The following FSTL5 variants were observed in gnomAD, a reference collection of about 807,000 sequenced individuals.
The protein encoded by FSTL5 is follistatin-related protein 5.
Under a neutral mutation model 89.1 loss-of-function variants are expected in FSTL5, and 62 were observed. The observed-to-expected ratio is 0.70, with a 90% CI of 0.57 to 0.86. The LOEUF (loss-of-function observed/expected upper bound fraction) is 0.86, where lower values mean the gene tolerates loss of function less well. Ranked by LOEUF, FSTL5 falls within the 40% of genes least tolerant of loss-of-function variation. The pLI, the probability that FSTL5 is intolerant of heterozygous loss-of-function variation, is 0.00. For missense variants in FSTL5, 1,057 were observed against 1,001.6 expected (o/e 1.06, Z -0.75); for synonymous variants, 383 against 346.2 (o/e 1.11, Z -1.18).
intron 3 of FSTL5, among the ~76,000 whole-genome samples, chr4:161,961,196 C>G (rs1735165463): frequency 6.6e-6 from 1 of 152,022 alleles, no homozygotes. Context: ...TACCCTTGAA[C>G]TATGGGGCTC....
At chr4:161,666,526 A>G (rs748820420) in intron 6 of FSTL5, among the ~76,000 whole-genome samples, 1 of 152,162 alleles carries the variant, frequency 6.6e-6, no homozygotes, top group Non-Finnish European at 1.5e-5. Context: ...CCAAGGACCA[A>G]GTTAGCCATA....
At chr4:161,535,982 A>C (rs1233138564) in intron 10 of FSTL5, among the ~76,000 whole-genome samples, 1 of 152,176 alleles carries the variant, frequency 6.6e-6, no homozygotes, top group African/African-American at 2.4e-5. Context: ...GAATTAATGC[A>C]AGAACAGAAA....
intron 4 of FSTL5, among the ~76,000 whole-genome samples, chr4:161,818,885 G>T (rs1730410641): frequency 6.6e-6 from 1 of 151,674 alleles, no homozygotes; most frequent in Admixed American, 6.6e-5. Flanking sequence ...AATGTATTTG[G>T]TTTACTAGAT....
At chr4:161,875,323 A>G (rs562687572) in intron 4 of FSTL5, among the ~76,000 whole-genome samples, 1 of 152,270 alleles carries the variant, frequency 6.6e-6, no homozygotes, top group African/African-American at 2.4e-5. Flanking sequence ...AATCAGGCTG[A>G]TTGCGGGTAG....
intron 3 of FSTL5, among the ~76,000 whole-genome samples, chr4:161,928,784 T>G (rs1734198791): frequency 6.6e-6 from 1 of 151,930 alleles, no homozygotes; most frequent in South Asian, 2.1e-4. Flanking sequence ...ATTTGTATAT[T>G]TTGTGTACCA....
At chr4:161,560,874 T>C (rs947596433) in intron 8 of FSTL5, among the ~76,000 whole-genome samples, 1 of 151,928 alleles carries the variant, frequency 6.6e-6, no homozygotes, top group Non-Finnish European at 1.5e-5. Flanking sequence ...ATAGAGGAAG[T>C]ACACTCTAAA....
chr4:162,002,123 T>C (rs1578936306), intron 3 of FSTL5, among the ~76,000 whole-genome samples: 1 of 152,194 alleles, frequency 6.6e-6, no homozygotes, highest in East Asian at 1.9e-4. Flanking sequence ...ATATGGACTC[T>C]ACTATAAACT....
At chr4:161,714,498 C>T (rs1447586538) in intron 6 of FSTL5, among the ~76,000 whole-genome samples, 1 of 152,136 alleles carries the variant, frequency 6.6e-6, no homozygotes, top group Non-Finnish European at 1.5e-5. Context: ...TTCAAATCTC[C>T]TAATCCTTTA....
intron 4 of FSTL5, among the ~76,000 whole-genome samples, chr4:161,791,748 A>G (rs1729484129): frequency 6.6e-6 from 1 of 152,228 alleles, no homozygotes; most frequent in South Asian, 2.1e-4. Context: ...ACAGTTTCTG[A>G]GAATGAGTGA....
intron 6 of FSTL5, among the ~76,000 whole-genome samples, chr4:161,665,512 C>T (rs1423232319): frequency 1.3e-5 from 2 of 152,114 alleles, no homozygotes; most frequent in African/African-American, 4.8e-5. Flanking sequence ...GGATTACAGG[C>T]GTGAGCCACC....
In FSTL5 at chr4:161,507,717, G is replaced by A. The variant is rs189843396; in HGVS notation, c.1339+2681C>T. On this transcript the variant is annotated intron_variant, in intron 11 of 15. Coordinates refer to ENST00000306100, the MANE Select transcript of FSTL5 (RefSeq NM_020116.5). ...TCCAAGTTTATATATTGATGAGATTGGTAAGATAATACATATTAAATTCAG... is the reference window on the plus strand; with the variant it reads ...TCCAAGTTTATATATTGATGAGATTAGTAAGATAATACATATTAAATTCAG... Among the ~76,000 whole-genome samples, 20 of 151,568 alleles carry A rather than the reference G, an allele frequency of 1.3e-4. No homozygotes were observed. The East Asian group carries it at 3.7e-3, about 28-fold the overall frequency.
At chr4:161,840,097 C>A (rs996960228) in intron 4 of FSTL5, among the ~76,000 whole-genome samples, 16 of 152,080 alleles carry the variant, frequency 1.1e-4, no homozygotes, top group African/African-American at 3.6e-4. Flanking sequence ...AATGATTGTT[C>A]ACCAGTGTTA....
chr4:161,636,529 G>A (rs1313876572), intron 7 of FSTL5, among the ~76,000 whole-genome samples: 4 of 133,720 alleles, frequency 3.0e-5, no homozygotes, highest in African/African-American at 8.4e-5. Context: ...AGTTACATAT[G>A]TATACATGTG....
chr4:162,109,608 A>G (rs535920254), intron 2 of FSTL5, among the ~76,000 whole-genome samples: 1 of 152,194 alleles, frequency 6.6e-6, no homozygotes, highest in African/African-American at 2.4e-5. Context: ...AAACCTCAAC[A>G]CATAAGTTTT....
Position 161,519,426 on chromosome 4 carries a change from T to G in FSTL5, c.1313-9002A>C, listed in dbSNP as rs576385174. Among the ~76,000 whole-genome samples, 3 of 152,186 alleles carry G rather than the reference T, an allele frequency of 2.0e-5. No homozygotes were observed. In the East Asian group the frequency reaches 5.8e-4, roughly 30 times the overall value. ...CTGTAGTCCCCGCTACTCGGGGGGCTGAGGCAGGAGAATGGCCTGAACCCG... is the reference window on the plus strand; with the variant it reads ...CTGTAGTCCCCGCTACTCGGGGGGCGGAGGCAGGAGAATGGCCTGAACCCG... On this transcript the variant is annotated intron_variant, in intron 10 of 15. Coordinates refer to ENST00000306100, the MANE Select transcript of FSTL5 (RefSeq NM_020116.5).
chr4:161,826,267 AT>A (rs1730664356), intron 4 of FSTL5, among the ~76,000 whole-genome samples: 1 of 151,960 alleles, frequency 6.6e-6, no homozygotes, highest in African/African-American at 2.4e-5. Context: ...ATTTTCTTAA[AT>A]TTTTTGAGGC....
At chr4:161,865,773 T>C (rs1732065479) in intron 4 of FSTL5, among the ~76,000 whole-genome samples, 1 of 149,676 alleles carries the variant, frequency 6.7e-6, no homozygotes. Flanking sequence ...TGAAATTTAC[T>C]ATCTCTAGAA....
At chr4:161,996,303 C>T (rs562778362) in intron 3 of FSTL5, among the ~76,000 whole-genome samples, 3 of 152,344 alleles carry the variant, frequency 2.0e-5, no homozygotes, top group Admixed American at 2.0e-4. Flanking sequence ...GTGAAATACT[C>T]TGCTCTGGCA....
chr4:161,612,728 T>A (rs1482027943), intron 7 of FSTL5, among the ~76,000 whole-genome samples: 1 of 152,210 alleles, frequency 6.6e-6, no homozygotes, highest in Middle Eastern at 3.2e-3. Flanking sequence ...GAGAAGCTGG[T>A]TAACATGAAG....
Sources: allele counts gnomAD v4.1 joint callset (sites outside exome capture counted in the v4.1 genomes callset), GRCh38; gene constraint gnomAD v4.1.1; transcripts MANE v1.5; gene names NCBI Gene and HGNC (gene_info 2026-07-23, HGNC 2026-07-21).